Variants in FRMD6 observed in about 807,000 individuals in gnomAD.
FRMD6 encodes the protein FERM domain containing 6.
Under a neutral mutation model 73.2 loss-of-function variants are expected in FRMD6, and 37 were observed. The ratio of observed to expected loss-of-function variants is 0.51; its 90% confidence interval spans 0.39 to 0.66. The LOEUF is 0.66. Ranked by LOEUF, FRMD6 falls within the 30% of genes least tolerant of loss-of-function variation. FRMD6 has a pLI of 0.00. For missense variants in FRMD6, 714 were observed against 780.5 expected (o/e 0.91, Z 1.02); for synonymous variants, 273 against 282.2 (o/e 0.97, Z 0.33).
intron 2 of FRMD6, among the ~76,000 whole-genome samples, chr14:51,589,689 C>A (rs775370001): frequency 6.6e-6 from 1 of 151,888 alleles, no homozygotes; most frequent in African/African-American, 2.4e-5. Context: ...GTTAGCTGTG[C>A]ATAACCAACT....
chr14:51,671,279 T>C (rs1049232288), intron 1 of FRMD6, among the ~76,000 whole-genome samples: 6 of 152,138 alleles, frequency 3.9e-5, no homozygotes, highest in African/African-American at 1.4e-4. Flanking sequence ...TATTCCCCTT[T>C]TTTGGTTTTC....
At chr14:51,692,886 C>T (rs1292108864) in intron 2 of FRMD6, 1 of 152,020 alleles carries the variant, frequency 6.6e-6, no homozygotes, top group Admixed American at 6.6e-5. Context: ...AGCATCTGCC[C>T]TAAATAGATG....
chr14:51,500,550 A>C (rs1010359813), intron 1 of FRMD6, among the ~76,000 whole-genome samples: 19 of 152,222 alleles, frequency 1.2e-4, no homozygotes, highest in African/African-American at 3.9e-4. Flanking sequence ...CAAAAAAAAA[A>C]AGATAGAAAA....
intron 1 of FRMD6, among the ~76,000 whole-genome samples, chr14:51,544,509 TG>T (rs1392668383): frequency 6.6e-6 from 1 of 152,024 alleles, no homozygotes; most frequent in African/African-American, 2.4e-5. Context: ...GAAAACAATA[TG>T]TATAAGTTGA....
At chr14:51,637,465 G>GCGCA (rs377260843) in intron 2 of FRMD6, 24,708 of 132,114 alleles carry the variant, frequency 0.19, 2,458 homozygotes, top group Non-Finnish European at 0.25. Context: ...ATACACACAG[G>GCGCA]CACACACACA....
At chr14:51,530,943 G>C (rs997270592) in intron 1 of FRMD6, among the ~76,000 whole-genome samples, 2 of 152,136 alleles carry the variant, frequency 1.3e-5, no homozygotes, top group Admixed American at 6.5e-5. Flanking sequence ...AAATTTATTG[G>C]CTCATGATTC....
At chr14:51,549,578 A>G (rs1566807463) in intron 1 of FRMD6, among the ~76,000 whole-genome samples, 1 of 144,170 alleles carries the variant, frequency 6.9e-6, no homozygotes, top group East Asian at 2.0e-4. Context: ...GCTGGAGTAT[A>G]AACTTTTTTT....
In FRMD6 at chr14:51,720,323, C is replaced by A. The variant is rs200323061; in HGVS notation, c.1293C>A (p.Gly431=). 1 of 1,613,996 alleles carries A rather than the reference C, an allele frequency of 6.2e-7. No homozygotes were observed. The highest frequency in any genetic ancestry group is 2.2e-5 in the East Asian group (1 of 44,882). ...LKTCSSMTSH[G]SSHTSGVESG... ...CCTGCAGCTCAATGACCAGTCATGG[C>A]AGCTCCCACACCTCAGGGGTGGAGA... Residue 431 remains glycine (G), a synonymous_variant, in exon 11 of 14, where the codon GGC becomes GGA. Transcript: ENST00000344768.
chr14:51,715,110 G>T (rs1897166913), intron 9 of FRMD6: 1 of 392,846 alleles, frequency 2.5e-6, no homozygotes, highest in African/African-American at 2.0e-5. Flanking sequence ...TTTACTGACA[G>T]ACCCTTGTGG....
intron 1 of FRMD6, among the ~76,000 whole-genome samples, chr14:51,686,033 T>C (rs1399517616): frequency 6.6e-6 from 1 of 152,192 alleles, no homozygotes; most frequent in Non-Finnish European, 1.5e-5. Context: ...TACAGTAATC[T>C]TAACAAATTA....
intron 2 of FRMD6, among the ~76,000 whole-genome samples, chr14:51,696,498 A>G (rs1351616908): frequency 6.6e-6 from 1 of 151,922 alleles, no homozygotes; most frequent in African/African-American, 2.4e-5. Flanking sequence ...GACTTGTCAG[A>G]ATAACTTATT....
chr14:51,437,982 G>T, the FRMD6 span, among the ~76,000 whole-genome samples: 37 of 152,294 alleles, frequency 2.4e-4, no homozygotes, highest in African/African-American at 8.2e-4. Flanking sequence ...CTTGGGCTCA[G>T]AGAGTACACC....
At chr14:51,427,008 C>A in the FRMD6 span, among the ~76,000 whole-genome samples, 1 of 152,206 alleles carries the variant, frequency 6.6e-6, no homozygotes, top group African/African-American at 2.4e-5. Context: ...ACCAATTTTT[C>A]TTTAACTTTC....
chr14:51,517,234 AG>A (rs1437989631), intron 1 of FRMD6, among the ~76,000 whole-genome samples: 3 of 152,218 alleles, frequency 2.0e-5, no homozygotes, highest in Non-Finnish European at 4.4e-5. Flanking sequence ...TATTTATAAA[AG>A]TTGACCAATC....
chr14:51,708,891 C>G (rs899554185), intron 7 of FRMD6, among the ~76,000 whole-genome samples: 6 of 152,152 alleles, frequency 3.9e-5, no homozygotes, highest in Admixed American at 6.5e-5. Flanking sequence ...GTATTCCACA[C>G]GTTCCTCACT....
chr14:51,715,445 T>C lies in FRMD6; in HGVS notation c.970T>C (p.Tyr324His). 6.2e-7 allele frequency: 1 copy of C among 1,613,782 alleles called. No homozygotes were observed. The highest frequency in any genetic ancestry group is 8.5e-7 in the Non-Finnish European group (1 of 1,179,822). ...ACTTCTGAGCAACAGCCACCGCCTC[T>C]ATATGAATCTGCAGCCTGTCCTGCG... Reference protein sequence around the residue: ...LQLLSNSHRLYMNLQPVLRHI... With the variant: ...LQLLSNSHRLHMNLQPVLRHI... The change falls in exon 10 of 14, where the codon TAT becomes CAT. Residue 324 changes from tyrosine to histidine, a missense_variant. Physicochemically the swap from Tyr to His is moderately conservative, Grantham distance 83. Transcript: ENST00000344768.
the FRMD6 span, among the ~76,000 whole-genome samples, chr14:51,468,981 C>T: frequency 6.6e-6 from 1 of 152,060 alleles, no homozygotes; most frequent in African/African-American, 2.4e-5. Flanking sequence ...TGCTCTGTTG[C>T]CCAGGCTGGA....
the FRMD6 span, among the ~76,000 whole-genome samples, chr14:51,415,103 A>G: frequency 6.6e-6 from 1 of 152,174 alleles, no homozygotes; most frequent in Non-Finnish European, 1.5e-5. Flanking sequence ...GCAAACAGGG[A>G]CAATTTGACT....
In FRMD6 at chr14:51,728,127, C is replaced by A; in HGVS notation, c.*98C>A. On this transcript the variant is annotated 3_prime_UTR_variant, in exon 14 of 14. Coordinates refer to ENST00000344768, the MANE Select transcript of FRMD6 (RefSeq NM_001267046.2). ...TATTACTTGTGCCATATCTTCTTCACCCTAAACATAGCTCTTTCTTTATAA... is the reference window on the plus strand; with the variant it reads ...TATTACTTGTGCCATATCTTCTTCAACCTAAACATAGCTCTTTCTTTATAA... The A allele has an allele frequency of 2.8e-6, 3 of 1,080,302 alleles. No homozygotes were observed. Among genetic ancestry groups the A allele is most frequent in the Non-Finnish European group, 2.6e-6 (2 of 758,908 alleles). 66.9% of individuals were successfully genotyped at this position (1,080,302 alleles called of 1,614,324 possible).
Sources: allele counts gnomAD v4.1 joint callset (sites outside exome capture counted in the v4.1 genomes callset), GRCh38; gene constraint gnomAD v4.1.1; transcripts MANE v1.5; gene names NCBI Gene and HGNC (gene_info 2026-07-23, HGNC 2026-07-21).